The following SHB variants were observed in gnomAD, a reference collection of about 807,000 sequenced individuals.
The protein encoded by SHB is SH2 domain-containing adapter protein B.
In SHB, 20 loss-of-function variants were observed where a neutral mutation model predicts 52.3. That is an observed-to-expected ratio of 0.38 (90% CI 0.27 to 0.56). The LOEUF is 0.56. Among genes scored for constraint, SHB ranks in the 20% least tolerant of loss-of-function variants. The pLI is 0.71. For missense variants in SHB, 825 were observed against 723.3 expected (o/e 1.14, Z -1.61); for synonymous variants, 397 against 316.5 (o/e 1.25, Z -2.70).
At position 37,916,397 on chromosome 9, in the gene SHB, C is replaced by CCCTT. The variant is rs1375463484; in HGVS notation, c.*3420_*3423dup. On this transcript the variant is annotated 3_prime_UTR_variant, in exon 6 of 6. Transcript: ENST00000377707. The stretch of plus-strand genomic sequence containing the variant: ...ACCCTGGCTGCCGGTCCTTGCCAGG[C>CCCTT]CCTTGGTCAATGATATCACCACTTC... Among the ~76,000 whole-genome samples, 1 of 152,228 alleles carries CCCTT rather than the reference C, an allele frequency of 6.6e-6. No individual in the cohort carries two copies. The highest frequency in any genetic ancestry group is 1.5e-5 in the Non-Finnish European group (1 of 68,038).
intron 1 of SHB, among the ~76,000 whole-genome samples, chr9:38,055,319 C>T (rs1821799942): frequency 6.6e-6 from 1 of 152,126 alleles, no homozygotes; most frequent in Non-Finnish European, 1.5e-5. Context: ...GCAAACACTG[C>T]AGGATGGATT....
At chr9:37,940,412 T>C (rs1587201726) in intron 5 of SHB, among the ~76,000 whole-genome samples, 1 of 152,372 alleles carries the variant, frequency 6.6e-6, no homozygotes, top group East Asian at 1.9e-4. Flanking sequence ...GCAAAGAGTG[T>C]TTGAGGAGTC....
In SHB at chr9:37,948,100, C is replaced by G. The variant is rs369671833; in HGVS notation, c.1346+535G>C. On this transcript the variant is annotated intron_variant, in intron 5 of 5. Transcript: ENST00000377707. Reference sequence around the variant, plus strand: ...CGATAGGCAGTAACACCACCTCTTCCCAGTGCTCCTCCTAGACTTTGTGCA... The same window carrying G: ...CGATAGGCAGTAACACCACCTCTTCGCAGTGCTCCTCCTAGACTTTGTGCA... Among the ~76,000 whole-genome samples, 4 of 152,306 alleles carry G rather than the reference C, an allele frequency of 2.6e-5. No individual in the cohort carries two copies. In the South Asian group the frequency reaches 6.2e-4, roughly 24 times the overall value.
chr9:37,931,350 T>A (rs1423099184), intron 5 of SHB, among the ~76,000 whole-genome samples: 1 of 152,030 alleles, frequency 6.6e-6, no homozygotes, highest in East Asian at 1.9e-4. Context: ...TGATAAAGGG[T>A]TAACATCCAA....
chr9:38,049,961 G>A (rs921129746), intron 1 of SHB, among the ~76,000 whole-genome samples: 10 of 152,026 alleles, frequency 6.6e-5, no homozygotes, highest in African/African-American at 2.4e-4. Context: ...CACCACACCC[G>A]GCTAATTTTT....
chr9:37,921,588 C>T (rs1832180828), intron 5 of SHB, among the ~76,000 whole-genome samples: 1 of 152,180 alleles, frequency 6.6e-6, no homozygotes, highest in African/African-American at 2.4e-5. Flanking sequence ...CTGTAAAGAA[C>T]TGGAATTTAA....
At chr9:37,947,423 C>G (rs11794350) in intron 5 of SHB, among the ~76,000 whole-genome samples, 18,939 of 152,196 alleles carry the variant, frequency 0.12, 1,191 homozygotes, top group African/African-American at 0.16. Context: ...ATTGTCTGCC[C>G]ACAAGTCCCC....
chr9:38,040,148 C>T (rs1821556274), intron 1 of SHB, among the ~76,000 whole-genome samples: 1 of 152,232 alleles, frequency 6.6e-6, no homozygotes. Context: ...GCGACTCCTT[C>T]CAAGGCTCAG....
At chr9:38,016,201 G>A (rs899476746) in intron 1 of SHB, 70 bp from the exon 2 acceptor site, 6 of 1,557,010 alleles carry the variant, frequency 3.9e-6, no homozygotes, top group Admixed American at 3.5e-5. Flanking sequence ...TCACAGCTAG[G>A]CTTTGGGCCT....
At chr9:38,061,572 A>G (rs1191477805) in intron 1 of SHB, among the ~76,000 whole-genome samples, 4 of 152,370 alleles carry the variant, frequency 2.6e-5, no homozygotes, top group Admixed American at 6.5e-5. Flanking sequence ...CTGACTGATC[A>G]GAAGAAACCA....
chr9:37,961,765 C>A (rs941304792), intron 3 of SHB, among the ~76,000 whole-genome samples: 29 of 152,244 alleles, frequency 1.9e-4, no homozygotes, highest in African/African-American at 7.0e-4. Flanking sequence ...GCTCTAGACC[C>A]CCAGGTAGAA....
intron 1 of SHB, among the ~76,000 whole-genome samples, chr9:38,023,877 C>T (rs539389225): frequency 6.6e-6 from 1 of 152,332 alleles, no homozygotes; most frequent in South Asian, 2.1e-4. Context: ...GGTACACACA[C>T]AAGCGCCCCC....
intron 1 of SHB, among the ~76,000 whole-genome samples, chr9:38,047,391 A>G (rs1357729947): frequency 6.6e-6 from 1 of 152,190 alleles, no homozygotes; most frequent in Non-Finnish European, 1.5e-5. Flanking sequence ...CAATCTTCTT[A>G]CCCACAAGTG....
intron 3 of SHB, among the ~76,000 whole-genome samples, chr9:37,967,848 T>C (rs1176857443): frequency 6.6e-5 from 10 of 152,036 alleles, no homozygotes; most frequent in Non-Finnish European, 1.5e-5. Flanking sequence ...AGACCTAGAA[T>C]AGGGAAGGCG....
chr9:38,042,476 C>G (rs1298594165), intron 1 of SHB, among the ~76,000 whole-genome samples: 1 of 152,204 alleles, frequency 6.6e-6, no homozygotes, highest in Non-Finnish European at 1.5e-5. Flanking sequence ...CTTCTCCAAC[C>G]CTAAAATGGG....
At chr9:38,013,916 T>C (rs1186430169) in intron 2 of SHB, among the ~76,000 whole-genome samples, 1 of 152,160 alleles carries the variant, frequency 6.6e-6, no homozygotes, top group East Asian at 1.9e-4. Flanking sequence ...CCTCTCAGTT[T>C]CCCTCAGCCT....
At position 37,974,244 on chromosome 9, in the gene SHB, G is replaced by A. The variant is rs186972933; in HGVS notation, c.1054+378C>T. 4.1e-3 allele frequency among the ~76,000 whole-genome samples: 620 copies of A among 152,174 alleles called. 3 individuals are homozygous for A. The highest frequency in any genetic ancestry group is 0.014 in the African/African-American group (596 of 41,500). On this transcript the variant is annotated intron_variant, in intron 3 of 5. Transcript: ENST00000377707. ...GCACTCCAGCCTGGGCAACAAGAGC[G>A]AAACTCTGTCTCAAAAATAAATAAA...
intron 1 of SHB, among the ~76,000 whole-genome samples, chr9:38,028,741 A>C (rs1821376562): frequency 6.6e-6 from 1 of 152,276 alleles, no homozygotes; most frequent in Non-Finnish European, 1.5e-5. Context: ...TCAGCAATTG[A>C]CAAAATCAGG....
In SHB at chr9:37,925,661, C is replaced by T. The variant is rs112899504; in HGVS notation, c.1347-5657G>A. On this transcript the variant is annotated intron_variant, in intron 5 of 5. Transcript: ENST00000377707. ...TCCCTACTCAGGCTCTAAGTGGCTGCGTCTTTTCTTCTTGTTGGGCTATTT... is the reference window on the plus strand; with the variant it reads ...TCCCTACTCAGGCTCTAAGTGGCTGTGTCTTTTCTTCTTGTTGGGCTATTT... Among the ~76,000 whole-genome samples, 1,312 of 152,262 alleles carry T rather than the reference C, an allele frequency of 8.6e-3. 19 individuals carry two copies. Among genetic ancestry groups the T allele is most frequent in the African/African-American group, 0.03 (1,241 of 41,546 alleles).
Sources: gnomAD v4.1 joint callset for allele counts (sites outside exome capture counted in the v4.1 genomes callset) on GRCh38, gnomAD v4.1.1 for gene constraint, MANE v1.5 for transcripts, NCBI Gene and HGNC (gene_info 2026-07-23, HGNC 2026-07-21) for gene names.